The following ARL14EPL variants were observed in gnomAD, a reference collection of about 807,000 sequenced individuals.
The protein encoded by ARL14EPL is ARL14 effector protein-like.
A neutral mutation model predicts 15.9 loss-of-function variants in ARL14EPL; 17 were observed. The observed-to-expected ratio is 1.07, with a 90% confidence interval of 0.73 to 1.60. The LOEUF (loss-of-function observed/expected upper bound fraction) is 1.60, where lower values mean the gene tolerates loss of function less well. ARL14EPL is among the 40% of genes most tolerant of loss of function. The probability of loss-of-function intolerance (pLI) is 0.00; values close to 1 mark genes in which losing one functional copy is unlikely to be tolerated. For synonymous variants in ARL14EPL, 78 were observed against 63.8 expected, an observed-to-expected ratio of 1.22 and a Z score of -1.06; for missense variants, 214 against 185.9, an observed-to-expected ratio of 1.15 and a Z score of -0.88.
chr5:116,057,207 C>T (rs914582776), intron 3 of ARL14EPL, among the ~76,000 whole-genome samples: 33 of 152,054 alleles, frequency 2.2e-4, no homozygotes, highest in Non-Finnish European at 4.1e-4. Context: ...CAGAAAAGGC[C>T]TTCGGAAGTG....
chr5:116,055,468 A>G (rs944426131), intron 3 of ARL14EPL, among the ~76,000 whole-genome samples: 1 of 152,198 alleles, frequency 6.6e-6, no homozygotes. Flanking sequence ...ACAGTGGAAT[A>G]CATATAGAAG....
In ARL14EPL at chr5:116,054,161, T is replaced by C; in HGVS notation, c.236+8T>C. ...TTTTTCTACCAAATACAAGTAAGAT[T>C]CTGACTTATTGTATTTGATCTGTGG... On this transcript the variant is annotated splice_region_variant and intron_variant, in intron 3 of 3. Transcript: ENST00000686077. 1 of 1,533,716 alleles carries C rather than the reference T, an allele frequency of 6.5e-7. No homozygotes were observed. The highest frequency in any genetic ancestry group is 8.7e-7 in the Non-Finnish European group (1 of 1,145,534).
At chr5:116,058,582 C>A in intron 3 of ARL14EPL, 143 bp from the exon 4 acceptor site, 2 of 761,754 alleles carry the variant, frequency 2.6e-6, no homozygotes, top group Admixed American at 2.4e-5. Context: ...AGTTCTGGTC[C>A]AGAGTACCAA....
intron 1 of ARL14EPL, among the ~76,000 whole-genome samples, chr5:116,037,700 T>C (rs1312779143): frequency 6.6e-6 from 1 of 152,226 alleles, no homozygotes; most frequent in African/African-American, 2.4e-5. Context: ...TTTTAAAATA[T>C]TAATAACTTT....
At chr5:116,051,683 G>A (rs1387534938) in intron 2 of ARL14EPL, 122 bp downstream of exon 2, 3 of 841,786 alleles carry the variant, frequency 3.6e-6, no homozygotes, top group Non-Finnish European at 5.5e-6. Context: ...GAGGAGCTCT[G>A]CCGCCCAGGC....
At chr5:116,052,494 T>G (rs28425521) in intron 2 of ARL14EPL, among the ~76,000 whole-genome samples, 4 of 152,102 alleles carry the variant, frequency 2.6e-5, no homozygotes, top group African/African-American at 9.7e-5. Flanking sequence ...GGCCTAGAGA[T>G]GTAGCAATTT....
intron 1 of ARL14EPL, among the ~76,000 whole-genome samples, chr5:116,045,745 A>AGAGTGTGTGTGT (rs1402557854): frequency 3.6e-4 from 53 of 148,742 alleles, no homozygotes; most frequent in African/African-American, 1.3e-3. Context: ...GACCCACAGA[A>AGAGTGTGTGTGT]GTGTGTGTGT....
In ARL14EPL at chr5:116,059,200, C is replaced by A; in HGVS notation, c.*253C>A. The A allele has an allele frequency of 4.3e-6, 2 of 468,402 alleles. No individual in the cohort carries two copies. Among genetic ancestry groups the A allele is most frequent in the Non-Finnish European group, 7.8e-6 (2 of 257,858 alleles). The allele number at this position is 468,402 out of a possible 1,614,324, so 29.0% of individuals were successfully genotyped here. ...AGGGATCAGCATTTCTCATCAGCAC[C>A]CTCATCTCTACTCTGCCTTCAAATT... On this transcript the variant is annotated 3_prime_UTR_variant, in exon 4 of 4. Coordinates refer to ENST00000686077, the MANE Select transcript of ARL14EPL (RefSeq NM_001195581.2).
intron 3 of ARL14EPL, among the ~76,000 whole-genome samples, chr5:116,055,414 G>T (rs1749492447): frequency 6.6e-6 from 1 of 152,090 alleles, no homozygotes; most frequent in African/African-American, 2.4e-5. Flanking sequence ...TAATCCAAAT[G>T]TCCATCAACA....
intron 1 of ARL14EPL, among the ~76,000 whole-genome samples, chr5:116,034,502 G>A (rs1425117482): frequency 6.6e-6 from 1 of 152,152 alleles, no homozygotes; most frequent in African/African-American, 2.4e-5. Flanking sequence ...TTCTTCACAA[G>A]GTTGATGTTT....
intron 1 of ARL14EPL, among the ~76,000 whole-genome samples, chr5:116,049,800 G>A (rs2112676102): frequency 6.6e-6 from 1 of 152,294 alleles, no homozygotes; most frequent in East Asian, 1.9e-4. Context: ...CTTTATGGCA[G>A]TGTCACTGTA....
chr5:116,054,848 A>G (rs558694685), intron 3 of ARL14EPL, among the ~76,000 whole-genome samples: 2 of 151,536 alleles, frequency 1.3e-5, no homozygotes, highest in African/African-American at 2.4e-5. Flanking sequence ...AAATAAATAA[A>G]TAAATAAAAT....
At chr5:116,050,744 G>A (rs1343965100) in intron 1 of ARL14EPL, among the ~76,000 whole-genome samples, 1 of 148,988 alleles carries the variant, frequency 6.7e-6, no homozygotes, top group Non-Finnish European at 1.5e-5. Context: ...ACCAGCCCTG[G>A]ACTGTCACTC....
chr5:116,033,118 T>A lies in ARL14EPL; in HGVS notation c.-10+613T>A, dbSNP rs1561574972. Among the ~76,000 whole-genome samples the A allele has an allele frequency of 7.9e-5, 12 of 152,262 alleles. No homozygotes were observed. In the South Asian group the frequency reaches 2.3e-3, roughly 29 times the overall value. ...CCGGCCTATAGCTATGTATTCTTAA[T>A]TGTTACACTCTAGTAGAAGTGAAAT... is the stretch of plus-strand genomic sequence containing the variant. On this transcript the variant is annotated intron_variant, in intron 1 of 3. Transcript: ENST00000686077.
chr5:116,048,536 A>T (rs1749314266), intron 1 of ARL14EPL, among the ~76,000 whole-genome samples: 1 of 152,198 alleles, frequency 6.6e-6, no homozygotes, highest in South Asian at 2.1e-4. Flanking sequence ...AATTATACTG[A>T]AATACGCTTA....
chr5:116,051,955 T>G, intron 2 of ARL14EPL: 2 of 1,611,418 alleles, frequency 1.2e-6, no homozygotes, highest in Non-Finnish European at 1.7e-6. Context: ...CCTTGGTATT[T>G]CTGGTGTAAA....
At chr5:116,040,301 C>A (rs1260536935) in intron 1 of ARL14EPL, among the ~76,000 whole-genome samples, 2 of 151,398 alleles carry the variant, frequency 1.3e-5, no homozygotes, top group African/African-American at 4.8e-5. Flanking sequence ...CTGTTATATA[C>A]CAAATGGCTA....
intron 2 of ARL14EPL, among the ~76,000 whole-genome samples, chr5:116,053,731 C>T (rs1303695776): frequency 6.6e-6 from 1 of 152,158 alleles, no homozygotes; most frequent in African/African-American, 2.4e-5. Flanking sequence ...AGCTGAGTGG[C>T]GTTTTGCGGT....
intron 3 of ARL14EPL, 134 bp downstream of exon 3, chr5:116,054,287 C>T (rs2560694): frequency 0.73 from 725,731 of 989,984 alleles, 275,095 homozygotes; most frequent in Non-Finnish European, 0.79. Context: ...TAATAGTACC[C>T]ATGTGTCTGG....
Sources: gnomAD v4.1 joint callset for allele counts (sites outside exome capture counted in the v4.1 genomes callset) on GRCh38, gnomAD v4.1.1 for gene constraint, MANE v1.5 for transcripts, NCBI Gene and HGNC (gene_info 2026-07-23, HGNC 2026-07-21) for gene names.